CPED1: variants seen among roughly 807,000 people sequenced by gnomAD.
CPED1 encodes the protein cadherin-like and PC-esterase domain-containing protein 1.
In CPED1, 114 loss-of-function variants were observed where a neutral mutation model predicts 128.2. The observed-to-expected ratio is 0.89, with a 90% confidence interval of 0.76 to 1.04. The LOEUF is 1.04. Ranked by LOEUF, CPED1 falls within the 50% of genes least tolerant of loss-of-function variation. The pLI, the probability that CPED1 is intolerant of heterozygous loss-of-function variation, is 0.00. For missense variants in CPED1, 1,211 were observed against 1,207.1 expected, an observed-to-expected ratio of 1.00 and a Z score of -0.05; for synonymous variants, 462 against 426.7, an observed-to-expected ratio of 1.08 and a Z score of -1.02.
Position 121,213,803 on chromosome 7 carries a change from T to C in CPED1, c.2056-22911T>C, listed in dbSNP as rs184984591. On this transcript the variant is annotated intron_variant, in intron 16 of 22. Coordinates refer to ENST00000310396, the MANE Select transcript of CPED1 (RefSeq NM_024913.5). ...ACTTTTCAAATAATCTTCCCCAGTT[T>C]CTTCTAATGTTAACATCTTGCATGA... 3.2e-3 allele frequency among the ~76,000 whole-genome samples: 480 copies of C among 152,208 alleles called. 3 individuals are homozygous for C. Among genetic ancestry groups the C allele is most frequent in the Middle Eastern group, 0.014 (4 of 294 alleles).
rs560238227 is a variant in CPED1 at position 121,126,868 on chromosome 7, A to G, written c.1135-222A>G. ...TCGAGATAAACTAATGTGACTTTAT[A>G]TTAGTTAATTTTCTTATACTGTACA... On this transcript the variant is annotated intron_variant, in intron 9 of 22. Transcript: ENST00000310396. 1.3e-3 allele frequency among the ~76,000 whole-genome samples: 191 copies of G among 152,256 alleles called. 1 individual carries two copies. The highest frequency in any genetic ancestry group is 1.9e-3 in the Non-Finnish European group (126 of 67,984).
intron 5 of CPED1, among the ~76,000 whole-genome samples, chr7:121,070,811 G>A (rs1227671251): frequency 3.3e-5 from 5 of 152,014 alleles, no homozygotes; most frequent in Admixed American, 6.6e-5. Context: ...AGTCCATTCC[G>A]TTATCCAGAC....
intron 16 of CPED1, among the ~76,000 whole-genome samples, chr7:121,201,043 G>A (rs1797383575): frequency 6.6e-6 from 1 of 152,050 alleles, no homozygotes; most frequent in Non-Finnish European, 1.5e-5. Flanking sequence ...TAACATGTGT[G>A]GGTGTTTCTG....
intron 6 of CPED1, among the ~76,000 whole-genome samples, chr7:121,098,277 A>G (rs1794750316): frequency 6.6e-6 from 1 of 152,058 alleles, no homozygotes; most frequent in African/African-American, 2.4e-5. Flanking sequence ...AGGATTTTAT[A>G]ATGTAGATAA....
At chr7:121,250,880 C>G (rs1584631841) in intron 18 of CPED1, among the ~76,000 whole-genome samples, 1 of 152,102 alleles carries the variant, frequency 6.6e-6, no homozygotes, top group Admixed American at 6.6e-5. Flanking sequence ...CAAAATTCTA[C>G]CCAAGGTACA....
chr7:121,235,674 T>G (rs188272998), intron 16 of CPED1, among the ~76,000 whole-genome samples: 1 of 152,130 alleles, frequency 6.6e-6, no homozygotes, highest in South Asian at 2.1e-4. Context: ...ACTGGTTCCA[T>G]ATGTGAGTGG....
intron 3 of CPED1, among the ~76,000 whole-genome samples, chr7:121,019,929 G>A (rs1792393593): frequency 6.6e-6 from 1 of 151,960 alleles, no homozygotes. Context: ...GCCTAAAAAG[G>A]AAAGTTTTAA....
intron 16 of CPED1, among the ~76,000 whole-genome samples, chr7:121,194,352 A>G (rs559629424): frequency 3.9e-5 from 6 of 152,146 alleles, no homozygotes; most frequent in Non-Finnish European, 7.4e-5. Flanking sequence ...TACCCGGCCT[A>G]TAATATATTT....
chr7:121,240,003 A>G (rs1488654160), intron 17 of CPED1, among the ~76,000 whole-genome samples: 55 of 152,150 alleles, frequency 3.6e-4, no homozygotes, highest in Non-Finnish European at 1.5e-5. Flanking sequence ...CAAGAGCACC[A>G]GTTTTGCAGA....
At chr7:121,246,620 A>T (rs918891944) in intron 18 of CPED1, among the ~76,000 whole-genome samples, 10 of 152,140 alleles carry the variant, frequency 6.6e-5, no homozygotes, top group African/African-American at 2.4e-4. Context: ...CCTCCCAAAG[A>T]CCTCTACCTC....
At chr7:121,138,724 G>GA (rs1303407187) in intron 14 of CPED1, among the ~76,000 whole-genome samples, 1 of 151,782 alleles carries the variant, frequency 6.6e-6, no homozygotes, top group African/African-American at 2.4e-5. Context: ...GTTTTATTTT[G>GA]AAAAAAGATC....
At chr7:121,270,349 G>C (rs1340518898) in intron 21 of CPED1, among the ~76,000 whole-genome samples, 1 of 152,028 alleles carries the variant, frequency 6.6e-6, no homozygotes, top group Admixed American at 6.6e-5. Context: ...TGTTTGCTTT[G>C]TTGATAGTTT....
intron 4 of CPED1, chr7:121,051,357 T>C (rs1157443833): frequency 2.5e-6 from 1 of 404,224 alleles, no homozygotes; most frequent in Non-Finnish European, 4.5e-6. Context: ...TCCCATTTTT[T>C]AAATGTAAAT....
chr7:121,125,598 A>G (rs749697084), intron 8 of CPED1, among the ~76,000 whole-genome samples: 6 of 152,042 alleles, frequency 3.9e-5, no homozygotes, highest in African/African-American at 7.3e-5. Flanking sequence ...GCTGAGAATG[A>G]TGGTTTCCAG....
chr7:121,259,987 A>G (rs1791972736), intron 18 of CPED1, among the ~76,000 whole-genome samples: 1 of 151,984 alleles, frequency 6.6e-6, no homozygotes, highest in South Asian at 2.1e-4. Flanking sequence ...CTAATATGTG[A>G]ATTCCATTAT....
chr7:121,104,831 T>C (rs953786890), intron 7 of CPED1, among the ~76,000 whole-genome samples: 2 of 152,282 alleles, frequency 1.3e-5, no homozygotes, highest in African/African-American at 4.8e-5. Flanking sequence ...ACTTTATCCC[T>C]AACTGCTATA....
At chr7:121,179,361 A>T (rs1796852228) in intron 16 of CPED1, among the ~76,000 whole-genome samples, 1 of 152,094 alleles carries the variant, frequency 6.6e-6, no homozygotes, top group Admixed American at 6.6e-5. Flanking sequence ...CAAGCAAAGC[A>T]TGTCAGGAAG....
intron 4 of CPED1, among the ~76,000 whole-genome samples, chr7:121,060,283 G>T (rs1313374787): frequency 1.3e-5 from 2 of 152,234 alleles, no homozygotes; most frequent in Admixed American, 6.5e-5. Context: ...GCTCCACGGC[G>T]CCCAGTCCCA....
intron 16 of CPED1, among the ~76,000 whole-genome samples, chr7:121,154,465 C>A (rs1005091092): frequency 6.6e-6 from 1 of 151,938 alleles, no homozygotes; most frequent in Non-Finnish European, 1.5e-5. Context: ...GAGGTATATT[C>A]ATTCTATATA....
Sources: gnomAD v4.1 joint callset for allele counts (sites outside exome capture counted in the v4.1 genomes callset) on GRCh38, gnomAD v4.1.1 for gene constraint, MANE v1.5 for transcripts, NCBI Gene and HGNC (gene_info 2026-07-23, HGNC 2026-07-21) for gene names.